KCNK17: variants seen among roughly 807,000 people sequenced by gnomAD.
KCNK17 encodes potassium two pore domain channel subfamily K member 17.
In KCNK17, 27 loss-of-function variants were observed where a neutral mutation model predicts 24.6. The ratio of observed to expected loss-of-function variants is 1.10; its 90% CI spans 0.81 to 1.51. The LOEUF (loss-of-function observed/expected upper bound fraction) is 1.51, where lower values mean the gene tolerates loss of function less well. Ranked by LOEUF, KCNK17 falls within the 40% of genes most tolerant of loss-of-function variation. KCNK17 has a pLI of 0.00. For missense variants in KCNK17, 450 were observed against 436.6 expected (o/e 1.03, Z -0.27); for synonymous variants, 181 against 189.8 (o/e 0.95, Z 0.38).
intron 1 of KCNK17, among the ~76,000 whole-genome samples, chr6:39,312,245 C>T (rs1762152979): frequency 6.6e-6 from 1 of 152,152 alleles, no homozygotes; most frequent in Non-Finnish European, 1.5e-5. Flanking sequence ...GGAGGAGGAC[C>T]ACTTGCTCTT....
chr6:39,299,489 T>C lies in KCNK17; in HGVS notation c.937A>G (p.Met313Val), dbSNP rs759553993. The C allele has an allele frequency of 1.9e-5, 30 of 1,614,122 alleles. No homozygotes were observed. The highest frequency in any genetic ancestry group is 2.4e-5 in the Non-Finnish European group (28 of 1,180,044). ...PQQGCYPEGP[M>V]GIIQHLEPSA... is the part of the protein sequence containing the mutation. Reference sequence around the variant, plus strand: ...GGTTCCAGATGCTGTATGATTCCCATGGGTCCCTCTGGATAGCATCCTTGC... The same window carrying C: ...GGTTCCAGATGCTGTATGATTCCCACGGGTCCCTCTGGATAGCATCCTTGC... Residue 313 changes from methionine to valine, a missense_variant, in exon 5 of 5, where the codon ATG becomes GTG. Transcript: ENST00000373231.
chr6:39,306,196 A>G (rs1762034701), intron 2 of KCNK17, among the ~76,000 whole-genome samples: 1 of 152,130 alleles, frequency 6.6e-6, no homozygotes, highest in Non-Finnish European at 1.5e-5. Context: ...GGCATGTGCC[A>G]CCACGCCCAG....
Position 39,299,352 on chromosome 6 carries a change from G to T in KCNK17, c.*75C>A. 2 of 1,161,070 alleles carry T rather than the reference G, an allele frequency of 1.7e-6. No individual in the cohort carries two copies. The highest frequency in any genetic ancestry group is 2.5e-6 in the Non-Finnish European group (2 of 814,582). 71.9% of individuals were successfully genotyped at this position (1,161,070 alleles called of 1,614,324 possible). ...GGGTGGATGGAAAATGTAGTCTTTAGTTTGGGTGGACATGTGCAAAGCTTA... is the reference window on the plus strand; with the variant it reads ...GGGTGGATGGAAAATGTAGTCTTTATTTTGGGTGGACATGTGCAAAGCTTA... On this transcript the variant is annotated 3_prime_UTR_variant, in exon 5 of 5. Coordinates refer to ENST00000373231, the MANE Select transcript of KCNK17 (RefSeq NM_031460.4).
chr6:39,308,564 T>C (rs985073870), intron 2 of KCNK17, among the ~76,000 whole-genome samples: 3 of 152,232 alleles, frequency 2.0e-5, no homozygotes, highest in African/African-American at 7.2e-5. Context: ...ATGCTGGGAT[T>C]ATAGGCAAGA....
intron 4 of KCNK17, among the ~76,000 whole-genome samples, chr6:39,302,059 T>C (rs999312663): frequency 1.6e-4 from 25 of 152,312 alleles, no homozygotes; most frequent in African/African-American, 5.5e-4. Flanking sequence ...GGCCTCAGTG[T>C]CTCCATCTGT....
intron 4 of KCNK17, among the ~76,000 whole-genome samples, chr6:39,303,741 C>T (rs995382603): frequency 1.3e-5 from 2 of 152,156 alleles, no homozygotes; most frequent in African/African-American, 2.4e-5. Context: ...TAGGTGGGCC[C>T]GCGGACGTGT....
intron 2 of KCNK17, among the ~76,000 whole-genome samples, chr6:39,305,923 C>T (rs769524205): frequency 6.6e-6 from 1 of 152,162 alleles, no homozygotes; most frequent in Non-Finnish European, 1.5e-5. Context: ...TGCAGCTGCT[C>T]CTCATCCAGG....
chr6:39,307,625 GT>G (rs796382228), intron 2 of KCNK17, among the ~76,000 whole-genome samples: 17 of 152,246 alleles, frequency 1.1e-4, no homozygotes, highest in African/African-American at 3.1e-4. Context: ...CATTAAATGG[GT>G]TTTTTTCCTC....
intron 4 of KCNK17, among the ~76,000 whole-genome samples, chr6:39,299,966 T>A (rs1186527653): frequency 6.6e-6 from 1 of 152,168 alleles, no homozygotes; most frequent in Non-Finnish European, 1.5e-5. Context: ...TCTGAGGGAA[T>A]CTGTTTATGC....
chr6:39,313,261 A>G (rs1762180427), intron 1 of KCNK17, among the ~76,000 whole-genome samples: 1 of 152,198 alleles, frequency 6.6e-6, no homozygotes, highest in Non-Finnish European at 1.5e-5. Context: ...CCCACCCTTG[A>G]GGAGCCTCTG....
At chr6:39,312,965 C>T (rs1031468488) in intron 1 of KCNK17, among the ~76,000 whole-genome samples, 1 of 152,236 alleles carries the variant, frequency 6.6e-6, no homozygotes, top group Admixed American at 6.5e-5. Flanking sequence ...ACTTCCGCTC[C>T]GCGCTGGGTC....
intron 2 of KCNK17, among the ~76,000 whole-genome samples, chr6:39,308,897 C>G (rs1257808509): frequency 6.6e-6 from 1 of 152,232 alleles, no homozygotes; most frequent in Non-Finnish European, 1.5e-5. Flanking sequence ...TAAGTGCATA[C>G]AGGTGTGGTC....
intron 1 of KCNK17, 38 bp from the exon 2 acceptor site, chr6:39,311,045 G>C: frequency 7.6e-7 from 1 of 1,310,696 alleles, no homozygotes; most frequent in South Asian, 1.3e-5. Context: ...GGCTCTGTGG[G>C]GTGATGGATT....
Position 39,304,487 on chromosome 6 carries a change from C to T in KCNK17, c.513+8G>A. 6.2e-7 allele frequency: 1 copy of T among 1,610,482 alleles called. No homozygotes were observed. The highest frequency in any genetic ancestry group is 8.5e-7 in the Non-Finnish European group (1 of 1,176,826). ...ACCCATCCCCACCCCGTCCAGCAGCCCCCTCACCTGCCAGGTGCCCCCCAG... is the reference window on the plus strand; with the variant it reads ...ACCCATCCCCACCCCGTCCAGCAGCTCCCTCACCTGCCAGGTGCCCCCCAG... On this transcript the variant is annotated splice_region_variant and intron_variant, in intron 3 of 4. Transcript: ENST00000373231.
At position 39,304,553 on chromosome 6, in the gene KCNK17, C is replaced by T. The variant is rs755334987; in HGVS notation, c.455G>A (p.Gly152Glu). The change falls in exon 3 of 5, where the codon GGG (glycine) becomes GAG (glutamate). Residue 152 changes from glycine (G) to glutamate (E), a missense_variant. Coordinates refer to ENST00000373231, the MANE Select transcript of KCNK17 (RefSeq NM_031460.4). ...PLNLVVLNRL[G>E]HLMQQGVNHW... ...GTTTACTCCCTGCTGCATGAGATGC[C>T]CCAGTCGGTTGAGCACCACGAGGTT... 2 of 1,614,032 alleles carry T rather than the reference C, an allele frequency of 1.2e-6. No individual in the cohort carries two copies. Among genetic ancestry groups the T allele is most frequent in the South Asian group, 1.1e-5 (1 of 91,082 alleles).
chr6:39,303,705 C>T (rs1311775183), intron 4 of KCNK17, among the ~76,000 whole-genome samples: 2 of 152,152 alleles, frequency 1.3e-5, no homozygotes, highest in Admixed American at 6.5e-5. Context: ...CGGGGACTCC[C>T]GTCATGTGGA....
chr6:39,300,291 T>A (rs1281051567), intron 4 of KCNK17: 1 of 606,114 alleles, frequency 1.6e-6, no homozygotes, highest in East Asian at 3.0e-5. Context: ...CCCGGCTATT[T>A]TTTTGTATTT....
chr6:39,305,947 C>T (rs1583767932), intron 2 of KCNK17, among the ~76,000 whole-genome samples: 1 of 152,190 alleles, frequency 6.6e-6, no homozygotes, highest in Admixed American at 6.5e-5. Context: ...CCCTCCAGCA[C>T]TCTCCCTTGC....
rs772408539 is a variant in KCNK17, at chr6:39,303,918, C to T, written c.688+39G>A. 4 of 1,598,280 alleles carry T rather than the reference C, an allele frequency of 2.5e-6. No individual in the cohort carries two copies. In the African/African-American group the frequency reaches 4.0e-5, roughly 16 times the overall value. ...GCAGATGAGTGAGAGGTATAGGCAG[C>T]CGAATGTCCCCGCCAGCCCAACCGC... On this transcript the variant is annotated intron_variant, in intron 4 of 4. Coordinates refer to ENST00000373231, the MANE Select transcript of KCNK17 (RefSeq NM_031460.4).
Sources: allele counts gnomAD v4.1 joint callset (sites outside exome capture counted in the v4.1 genomes callset), GRCh38; gene constraint gnomAD v4.1.1; transcripts MANE v1.5; gene names NCBI Gene and HGNC (gene_info 2026-07-23, HGNC 2026-07-21).